The following MED15 variants were observed in gnomAD, a reference collection of about 807,000 sequenced individuals.
MED15 encodes the protein mediator complex subunit 15.
Under a neutral mutation model 118.7 loss-of-function variants are expected in MED15, and 41 were observed. That is an observed-to-expected ratio of 0.35 (90% CI 0.27 to 0.45). The LOEUF is 0.45. Among genes scored for constraint, MED15 ranks in the 20% least tolerant of loss-of-function variants. The pLI is 1.00. For missense variants in MED15, 740 were observed against 1,025.5 expected, an observed-to-expected ratio of 0.72 and a Z score of 3.80; for synonymous variants, 436 against 413.9, an observed-to-expected ratio of 1.05 and a Z score of -0.65.
intron 1 of MED15, chr22:20,508,103 G>A: frequency 7.8e-7 from 1 of 1,276,152 alleles, no homozygotes; most frequent in South Asian, 1.5e-5. Flanking sequence ...GGTTTAGCAG[G>A]GCTGGGTGCT....
intron 4 of MED15, among the ~76,000 whole-genome samples, chr22:20,553,530 G>C (rs1161095730): frequency 6.6e-6 from 1 of 152,228 alleles, no homozygotes. Flanking sequence ...TAGCATTTCT[G>C]AGAAAATGCT....
At position 20,520,883 on chromosome 22, in the gene MED15, G is replaced by A. The variant is rs2054422696; in HGVS notation, c.68+13137G>A. ...GCCTCCCAAGTAGCTGGTACTACAGGTGCTCACCACCATGCCCTGCTAATT... is the reference window on the plus strand; with the variant it reads ...GCCTCCCAAGTAGCTGGTACTACAGATGCTCACCACCATGCCCTGCTAATT... On this transcript the variant is annotated intron_variant, in intron 1 of 17. Transcript: ENST00000263205. 2.0e-5 allele frequency among the ~76,000 whole-genome samples: 3 copies of A among 151,892 alleles called. No homozygotes were observed. In the South Asian group the frequency reaches 6.2e-4, roughly 32 times the overall value.
chr22:20,535,872 C>CTTT (rs536712415), intron 1 of MED15, among the ~76,000 whole-genome samples: 18 of 98,686 alleles, frequency 1.8e-4, no homozygotes, highest in South Asian at 7.0e-4. Flanking sequence ...TTCTTTCTTT[C>CTTT]TTTTTTTTTT....
chr22:20,586,473 C>T (rs1390396971), intron 17 of MED15, 95 bp from the exon 18 acceptor site: 43 of 1,541,902 alleles, frequency 2.8e-5, no homozygotes, highest in Non-Finnish European at 3.2e-5. Flanking sequence ...CTTCGGCCCG[C>T]GCCTGGGGCT....
intron 13 of MED15, 95 bp downstream of exon 13, chr22:20,583,488 AC>A: frequency 6.8e-7 from 1 of 1,466,850 alleles, no homozygotes; most frequent in Non-Finnish European, 9.5e-7. Context: ...TAACAAAGGC[AC>A]CAGGCAGCTC....
intron 1 of MED15, among the ~76,000 whole-genome samples, chr22:20,531,427 C>T (rs1219129753): frequency 1.3e-5 from 2 of 152,222 alleles, no homozygotes; most frequent in African/African-American, 4.8e-5. Context: ...AGAGGTTACG[C>T]TTTAGGGGAG....
chr22:20,526,034 C>T (rs2054633906), intron 1 of MED15, among the ~76,000 whole-genome samples: 1 of 151,742 alleles, frequency 6.6e-6, no homozygotes, highest in African/African-American at 2.4e-5. Context: ...AATCCTCCCA[C>T]CTCAGCCCCC....
intron 2 of MED15, 70 bp from the exon 3 acceptor site, chr22:20,551,366 G>T: frequency 7.1e-7 from 1 of 1,401,820 alleles, no homozygotes; most frequent in Non-Finnish European, 1.0e-6. Flanking sequence ...AGGCGAGGGG[G>T]CGGGAAGGGG....
Position 20,585,102 on chromosome 22 carries a change from G to T in MED15, c.1966G>T (p.Ala656Ser). The T allele has an allele frequency of 2.5e-6, 4 of 1,613,642 alleles. No homozygotes were observed. The highest frequency in any genetic ancestry group is 3.4e-6 in the Non-Finnish European group (4 of 1,179,942). Residue 656 changes from alanine (A) to serine (S), a missense_variant and splice_region_variant, in exon 16 of 18, where the codon GCC (alanine) becomes TCC (serine). By Grantham distance (99) the Ala-to-Ser change is moderately conservative (BLOSUM62 1). Coordinates refer to ENST00000263205, the MANE Select transcript of MED15 (RefSeq NM_001003891.3). ...MTAIHGPPIT[A>S]PVVCTRKRRL... ...GTGGTCACCATGCCGCCTCCCCAGGGCCCCAGTGGTGTGCACCCGGAAGCG... is the reference window on the plus strand; with the variant it reads ...GTGGTCACCATGCCGCCTCCCCAGGTCCCCAGTGGTGTGCACCCGGAAGCG...
chr22:20,554,895 T>C (rs1266967291), intron 4 of MED15, 41 bp from the exon 5 acceptor site: 1 of 1,552,026 alleles, frequency 6.4e-7, no homozygotes, highest in Non-Finnish European at 8.7e-7. Context: ...GTCAGTCTGG[T>C]AGGCCCTTTC....
chr22:20,554,711 T>C, intron 4 of MED15: 1 of 445,242 alleles, frequency 2.2e-6, no homozygotes, highest in Non-Finnish European at 4.0e-6. Flanking sequence ...AGGACTCTGG[T>C]CCAGGCCAGG....
chr22:20,508,492 C>T, intron 1 of MED15: 1 of 1,089,680 alleles, frequency 9.2e-7, no homozygotes, highest in Non-Finnish European at 1.2e-6. Flanking sequence ...TGGGCTGAGT[C>T]CGAAAAGAGA....
intron 2 of MED15, among the ~76,000 whole-genome samples, chr22:20,550,362 C>CT (rs1332115961): frequency 6.6e-6 from 1 of 152,220 alleles, no homozygotes; most frequent in Non-Finnish European, 1.5e-5. Flanking sequence ...GGCCTTTCTT[C>CT]TTCATGTTGT....
At chr22:20,533,365 C>T (rs1436595661) in intron 1 of MED15, among the ~76,000 whole-genome samples, 1 of 152,324 alleles carries the variant, frequency 6.6e-6, no homozygotes, top group East Asian at 1.9e-4. Flanking sequence ...GGTTCTTTTT[C>T]GCTTTGTCTC....
chr22:20,534,868 C>T (rs1298187990), intron 1 of MED15, among the ~76,000 whole-genome samples: 1 of 152,218 alleles, frequency 6.6e-6, no homozygotes, highest in Non-Finnish European at 1.5e-5. Context: ...GGTGACCTTT[C>T]TTACTTGTCT....
intron 2 of MED15, among the ~76,000 whole-genome samples, chr22:20,541,852 G>C (rs971476984): frequency 6.6e-6 from 1 of 152,280 alleles, no homozygotes; most frequent in Admixed American, 6.5e-5. Flanking sequence ...GTTTCACCAT[G>C]TTGGCCAGGA....
At chr22:20,563,730 A>T (rs1165653757) in intron 5 of MED15, among the ~76,000 whole-genome samples, 1 of 152,218 alleles carries the variant, frequency 6.6e-6, no homozygotes, top group Non-Finnish European at 1.5e-5. Flanking sequence ...TATACAAAGG[A>T]TCTCTCTATA....
chr22:20,578,465 T>G (rs1321217299), intron 9 of MED15, among the ~76,000 whole-genome samples: 1 of 152,314 alleles, frequency 6.6e-6, no homozygotes, highest in East Asian at 1.9e-4. Context: ...CTCCCACACC[T>G]GGCTGTGGGC....
chr22:20,572,072 T>C (rs1055804098), intron 8 of MED15, among the ~76,000 whole-genome samples: 2 of 152,262 alleles, frequency 1.3e-5, no homozygotes, highest in Non-Finnish European at 2.9e-5. Flanking sequence ...ATCTTGTTCT[T>C]GGACCTTGTA....
Sources: gnomAD v4.1 joint callset for allele counts (sites outside exome capture counted in the v4.1 genomes callset) on GRCh38, gnomAD v4.1.1 for gene constraint, MANE v1.5 for transcripts, NCBI Gene and HGNC (gene_info 2026-07-23, HGNC 2026-07-21) for gene names.